The following OR2AG1 variants were observed in gnomAD, a reference collection of about 807,000 sequenced individuals.
The protein encoded by OR2AG1 is olfactory receptor family 2 subfamily AG member 1, also known as olfactory receptor 2AG1.
For missense variants in OR2AG1, 391 were observed against 385.9 expected, an observed-to-expected ratio of 1.01 and a Z score of -0.11; for synonymous variants, 157 against 155.6, an observed-to-expected ratio of 1.01 and a Z score of -0.07.
At position 6,785,662 on chromosome 11, in the gene OR2AG1, C is replaced by G. The variant is rs1158280856; in HGVS notation, c.625C>G (p.Pro209Ala). The change falls in exon 2 of 2, where the codon CCC (proline) becomes GCC (alanine). Residue 209 changes from proline to alanine, a missense_variant. Physicochemically the swap from Pro to Ala is conservative, Grantham distance 27. Transcript: ENST00000641258. Reference protein sequence around the residue: ...VYVMGVTFLIPSLAAILASYT... With the variant: ...VYVMGVTFLIASLAAILASYT... ...TGTGATGGGTGTGACCTTCCTGATT[C>G]CCTCTCTTGCTGCTATACTGGCCTC... 1 of 1,614,084 alleles carries G rather than the reference C, an allele frequency of 6.2e-7. No individual in the cohort carries two copies. The highest frequency in any genetic ancestry group is 1.7e-5 in the Admixed American group (1 of 60,014).
chr11:6,785,003 T>C lies in OR2AG1; in HGVS notation c.-20-15T>C, dbSNP rs764308372. On this transcript the variant is annotated splice_polypyrimidine_tract_variant and intron_variant, in intron 1 of 1. Coordinates refer to ENST00000641258, the MANE Select transcript of OR2AG1 (RefSeq NM_001004489.3). The stretch of plus-strand genomic sequence containing the variant: ...CATCTTAGCAAAAATTCATGAAGTA[T>C]CCATCTTGTTCTAGGTGATGAAAGA... 7 of 1,347,196 alleles carry C rather than the reference T, an allele frequency of 5.2e-6. No individual in the cohort carries two copies. Among genetic ancestry groups the C allele is most frequent in the Non-Finnish European group, 5.2e-6 (5 of 969,826 alleles). The allele number at this position is 1,347,196 out of a possible 1,614,324, so 83.5% of individuals were successfully genotyped here. A position where few individuals can be genotyped will look rare whatever the true frequency, so the allele number is the denominator to read the frequency against.
chr11:6,785,048 G>A lies in OR2AG1; in HGVS notation c.11G>A (p.Trp4Ter), dbSNP rs747694317. MEL[W>*]NFTLGSGFIL... ...GAAAGAAACCACAGCATGGAGCTCT[G>A]GAACTTCACCTTGGGAAGTGGCTTC... Residue 4 changes from tryptophan to a stop codon, truncating the protein, a stop_gained, in exon 2 of 2, where the codon TGG becomes TAG. Coordinates refer to ENST00000641258, the MANE Select transcript of OR2AG1 (RefSeq NM_001004489.3). LOFTEE classifies it low-confidence loss of function (END_TRUNC). 1.2e-6 allele frequency: 2 copies of A among 1,605,992 alleles called. No homozygotes were observed. The highest frequency in any genetic ancestry group is 1.7e-6 in the Non-Finnish European group (2 of 1,174,510).
Position 6,786,276 on chromosome 11 carries a change from C to T in OR2AG1, c.*288C>T, listed in dbSNP as rs1473544478. On this transcript the variant is annotated 3_prime_UTR_variant, in exon 2 of 2. Coordinates refer to ENST00000641258, the MANE Select transcript of OR2AG1 (RefSeq NM_001004489.3). ...AATGGGTTCCCACCTTGGGACATGA[C>T]CCCTAACCTTCGAAGTTTATATTGG... The T allele has an allele frequency of 7.3e-6, 2 of 275,112 alleles. No homozygotes were observed. Among genetic ancestry groups the T allele is most frequent in the East Asian group, 6.6e-5 (1 of 15,222 alleles). 17.0% of individuals were successfully genotyped at this position (275,112 alleles called of 1,614,324 possible).
rs1277731882 is a variant in OR2AG1 at position 6,790,936 on chromosome 11, C to G, written c.*4948C>G. ...CTAAGAAAAGGGTGAACTGACAGAC[C>G]CTTCTGTCCATCAAGTCATCCACAG... On this transcript the variant is annotated 3_prime_UTR_variant, in exon 2 of 2. Coordinates refer to ENST00000641258, the MANE Select transcript of OR2AG1 (RefSeq NM_001004489.3). 1 of 152,152 alleles carries G rather than the reference C, an allele frequency of 6.6e-6. No homozygotes were observed. Among genetic ancestry groups the G allele is most frequent in the Non-Finnish European group, 1.5e-5 (1 of 68,030 alleles). 9.4% of individuals were successfully genotyped at this position (152,152 alleles called of 1,614,324 possible).
Position 6,785,781 on chromosome 11 carries a change from T to C in OR2AG1, c.744T>C (p.Val248=), listed in dbSNP as rs745558101. The change falls in exon 2 of 2, where the codon GTT becomes GTC. Residue 248 remains valine (V), a synonymous_variant. Coordinates refer to ENST00000641258, the MANE Select transcript of OR2AG1 (RefSeq NM_001004489.3). ...CCTGCTCTTCCCACCTGACTGTGGT[T>C]GGGATGTTCTATGGAGCTGCCACAT... ...LVTCSSHLTV[V]GMFYGAATFM... 2.4e-5 allele frequency: 38 copies of C among 1,614,020 alleles called. No individual in the cohort carries two copies. In the Middle Eastern group the frequency reaches 8.2e-4, roughly 35 times the overall value.
chr11:6,784,100 C>T (rs890692879), intron 1 of OR2AG1, among the ~76,000 whole-genome samples: 1 of 152,188 alleles, frequency 6.6e-6, no homozygotes, highest in South Asian at 2.1e-4. Context: ...TCTGGAAAAG[C>T]AGTTCCTCCC....
At chr11:6,784,429 C>G (rs192742507) in intron 1 of OR2AG1, among the ~76,000 whole-genome samples, 140 of 152,322 alleles carry the variant, frequency 9.2e-4, no homozygotes, top group African/African-American at 3.1e-3. Flanking sequence ...TCTCTTGTCT[C>G]AGGCAGTCCA....
chr11:6,785,712 G>C lies in OR2AG1; in HGVS notation c.675G>C (p.Val225=). The C allele has an allele frequency of 6.2e-7, 1 of 1,614,124 alleles. No homozygotes were observed. Among genetic ancestry groups the C allele is most frequent in the Non-Finnish European group, 8.5e-7 (1 of 1,180,020 alleles). ...LASYTQILLT[V]LHMPSNEGRK... ...CCTATACACAAATTCTACTCACTGTGCTCCATATGCCATCAAATGAGGGGA... is the reference window on the plus strand; with the variant it reads ...CCTATACACAAATTCTACTCACTGTCCTCCATATGCCATCAAATGAGGGGA... Residue 225 remains valine, a synonymous_variant, in exon 2 of 2, where the codon GTG becomes GTC. Transcript: ENST00000641258.
At position 6,790,254 on chromosome 11, in the gene OR2AG1, G is replaced by A. The variant is rs1330854903; in HGVS notation, c.*4266G>A. 1.3e-5 allele frequency: 2 copies of A among 152,156 alleles called. No individual in the cohort carries two copies. Among genetic ancestry groups the A allele is most frequent in the Admixed American group, 6.5e-5 (1 of 15,268 alleles). The allele number at this position is 152,156 out of a possible 1,614,324, so 9.4% of individuals were successfully genotyped here. ...TTTGCCAAGGGTTTGGGGTGACTGT[G>A]GGAGGAAATGAAAAATATTAGTCAA... is the stretch of plus-strand genomic sequence containing the variant. On this transcript the variant is annotated 3_prime_UTR_variant, in exon 2 of 2. Transcript: ENST00000641258.
rs75557921 is a variant in OR2AG1, at chr11:6,786,428, G to C, written c.*440G>C. The C allele has an allele frequency of 5.6e-3, 874 of 155,892 alleles. 12 individuals are homozygous for C. The highest frequency in any genetic ancestry group is 0.02 in the African/African-American group (813 of 41,652). 9.7% of individuals were successfully genotyped at this position (155,892 alleles called of 1,614,324 possible). On this transcript the variant is annotated 3_prime_UTR_variant, in exon 2 of 2. Coordinates refer to ENST00000641258, the MANE Select transcript of OR2AG1 (RefSeq NM_001004489.3). ...TTAGACCAACTGACCTTATTAAAAG[G>C]TTATATAGACTTCTTGTCTAATGCC...
chr11:6,784,310 T>C (rs1053883359), intron 1 of OR2AG1, among the ~76,000 whole-genome samples: 1 of 152,226 alleles, frequency 6.6e-6, no homozygotes, highest in Non-Finnish European at 1.5e-5. Flanking sequence ...ATGTTATATT[T>C]CAGAGCCCTT....
rs960780314 is a variant in OR2AG1, at chr11:6,790,641, G to T, written c.*4653G>T. The T allele has an allele frequency of 2.0e-5, 3 of 152,210 alleles. No individual in the cohort carries two copies. The highest frequency in any genetic ancestry group is 4.4e-5 in the Non-Finnish European group (3 of 68,038). The allele number at this position is 152,210 out of a possible 1,614,324, so 9.4% of individuals were successfully genotyped here. A position where few individuals can be genotyped will look rare whatever the true frequency, so the allele number is the denominator to read the frequency against. The stretch of plus-strand genomic sequence containing the variant: ...AAAATCATTTGAAAACATTTCTAAA[G>T]CTGCTTTGTCTTCATTATAGGAATG... On this transcript the variant is annotated 3_prime_UTR_variant, in exon 2 of 2. Coordinates refer to ENST00000641258, the MANE Select transcript of OR2AG1 (RefSeq NM_001004489.3).
rs948260584 is a variant in OR2AG1 at position 6,786,578 on chromosome 11, C to T, written c.*590C>T. 1 of 152,046 alleles carries T rather than the reference C, an allele frequency of 6.6e-6. No individual in the cohort carries two copies. Among genetic ancestry groups the T allele is most frequent in the African/African-American group, 2.4e-5 (1 of 41,378 alleles). The allele number at this position is 152,046 out of a possible 1,614,324, so 9.4% of individuals were successfully genotyped here. On this transcript the variant is annotated 3_prime_UTR_variant, in exon 2 of 2. Coordinates refer to ENST00000641258, the MANE Select transcript of OR2AG1 (RefSeq NM_001004489.3). ...TTTGTTTTTGTTTGTTGGTTTTTGA[C>T]ATGGAGATACTTTATAGTTCCTAAA...
chr11:6,785,685 C>T lies in OR2AG1; in HGVS notation c.648C>T (p.Ala216=), dbSNP rs951763389. 1 of 1,614,098 alleles carries T rather than the reference C, an allele frequency of 6.2e-7. No individual in the cohort carries two copies. Among genetic ancestry groups the T allele is most frequent in the Non-Finnish European group, 8.5e-7 (1 of 1,180,012 alleles). The change falls in exon 2 of 2, where the codon GCC becomes GCT. Residue 216 remains alanine, a synonymous_variant. Transcript: ENST00000641258. The part of the protein sequence containing the change: ...FLIPSLAAIL[A]SYTQILLTVL... ...TTCCCTCTCTTGCTGCTATACTGGC[C>T]TCCTATACACAAATTCTACTCACTG...
In OR2AG1 at chr11:6,785,853, C is replaced by G; in HGVS notation, c.816C>G (p.Asn272Lys). 6.2e-7 allele frequency: 1 copy of G among 1,614,166 alleles called. No homozygotes were observed. Among genetic ancestry groups the G allele is most frequent in the Non-Finnish European group, 8.5e-7 (1 of 1,180,020 alleles). The change falls in exon 2 of 2, where the codon AAC becomes AAG. Residue 272 changes from asparagine to lysine, a missense_variant. Transcript: ENST00000641258. ...CCTTCCACAGCACCAGACAAGACAA[C>G]ATCATCTCTGTTTTCTACACAATTG... ...PSSFHSTRQD[N>K]IISVFYTIVT...
At chr11:6,784,547 A>C (rs967594896) in intron 1 of OR2AG1, among the ~76,000 whole-genome samples, 2 of 152,224 alleles carry the variant, frequency 1.3e-5, no homozygotes, top group East Asian at 3.9e-4. Flanking sequence ...TACTGCCTTG[A>C]GTACTGCAAA....
chr11:6,785,272 C>A lies in OR2AG1; in HGVS notation c.235C>A (p.Pro79Thr), dbSNP rs757058824. The A allele has an allele frequency of 3.1e-6, 5 of 1,614,168 alleles. No homozygotes were observed. The highest frequency in any genetic ancestry group is 3.4e-6 in the Non-Finnish European group (4 of 1,180,026). The change falls in exon 2 of 2, where the codon CCC (proline) becomes ACC (threonine). Residue 79 changes from proline to threonine, a missense_variant. Transcript: ENST00000641258. The part of the protein sequence containing the change: ...MDLLFTSVVT[P>T]KALADFLRRE... ...CCTCCTGTTCACATCTGTTGTCACT[C>A]CCAAGGCCCTTGCGGACTTTCTGCG...
chr11:6,783,792 A>G (rs1234288597), intron 1 of OR2AG1, among the ~76,000 whole-genome samples: 1 of 152,214 alleles, frequency 6.6e-6, no homozygotes, highest in Non-Finnish European at 1.5e-5. Flanking sequence ...TGAATATCCT[A>G]AAGGGCCATC....
In OR2AG1 at chr11:6,786,983, A is replaced by T. The variant is rs1456072149; in HGVS notation, c.*995A>T. ...AAAATAATATAAAATGATATGGCTA[A>T]TTACATGACACTCTTTTGGGGGATA... is the stretch of plus-strand genomic sequence containing the variant. On this transcript the variant is annotated 3_prime_UTR_variant, in exon 2 of 2. Coordinates refer to ENST00000641258, the MANE Select transcript of OR2AG1 (RefSeq NM_001004489.3). 6.6e-6 allele frequency: 1 copy of T among 152,226 alleles called. No homozygotes were observed. Among genetic ancestry groups the T allele is most frequent in the African/African-American group, 2.4e-5 (1 of 41,478 alleles). The allele number at this position is 152,226 out of a possible 1,614,324, so 9.4% of individuals were successfully genotyped here.
Sources: allele counts gnomAD v4.1 joint callset (sites outside exome capture counted in the v4.1 genomes callset), GRCh38; gene constraint gnomAD v4.1.1; transcripts MANE v1.5; gene names NCBI Gene and HGNC (gene_info 2026-07-23, HGNC 2026-07-21).